Variants in CFAP61 observed in about 807,000 individuals in gnomAD.
CFAP61 encodes the protein cilia- and flagella-associated protein 61.
A neutral mutation model predicts 135.6 loss-of-function variants in CFAP61; 107 were observed. That is an observed-to-expected ratio of 0.79 (90% confidence interval 0.67 to 0.93). The LOEUF (loss-of-function observed/expected upper bound fraction) is 0.93. Ranked by LOEUF, CFAP61 falls within the 40% of genes least tolerant of loss-of-function variation. The pLI is 0.00. For missense variants in CFAP61, 1,507 were observed against 1,556.2 expected (o/e 0.97, Z 0.53); for synonymous variants, 575 against 578.5 (o/e 0.99, Z 0.09).
At chr20:20,268,275 A>G (rs12106090) in intron 21 of CFAP61, among the ~76,000 whole-genome samples, 17,886 of 152,202 alleles carry the variant, frequency 0.12, 1,156 homozygotes, top group Middle Eastern at 0.23. Flanking sequence ...TCCGGGAACC[A>G]CACCCTGAAT....
intron 7 of CFAP61, among the ~76,000 whole-genome samples, chr20:20,093,719 C>G (rs1290356901): frequency 6.6e-6 from 1 of 152,122 alleles, no homozygotes; most frequent in Non-Finnish European, 1.5e-5. Flanking sequence ...GCCACTGCAC[C>G]AGGCATGAAT....
At chr20:20,277,057 C>A in intron 21 of CFAP61, 109 bp from the exon 22 acceptor site, 2 of 838,360 alleles carry the variant, frequency 2.4e-6, no homozygotes, top group Non-Finnish European at 3.6e-6. Flanking sequence ...TGGCTTCCTG[C>A]AGCTGAAAAA....
At chr20:20,360,141 T>G (rs778292027) in intron 26 of CFAP61, 69 bp from the exon 27 acceptor site, 418 of 1,181,968 alleles carry the variant, frequency 3.5e-4, no homozygotes, top group Non-Finnish European at 5.2e-4. Flanking sequence ...TTCATTCTCA[T>G]GAAACTGCCG....
intron 18 of CFAP61, among the ~76,000 whole-genome samples, chr20:20,240,334 A>G (rs993635939): frequency 2.6e-5 from 4 of 152,182 alleles, no homozygotes; most frequent in Non-Finnish European, 5.9e-5. Flanking sequence ...TAAAACAGTC[A>G]TGAAAGACAG....
At chr20:20,278,903 T>C (rs972349547) in intron 22 of CFAP61, among the ~76,000 whole-genome samples, 1 of 152,232 alleles carries the variant, frequency 6.6e-6, no homozygotes, top group Non-Finnish European at 1.5e-5. Flanking sequence ...CTGTCCTCGA[T>C]GTTAGGGATG....
intron 9 of CFAP61, among the ~76,000 whole-genome samples, chr20:20,152,445 T>C (rs1180260886): frequency 6.6e-6 from 1 of 152,186 alleles, no homozygotes; most frequent in Non-Finnish European, 1.5e-5. Context: ...GGATAAACAT[T>C]CACCAATCAA....
intron 9 of CFAP61, among the ~76,000 whole-genome samples, chr20:20,147,054 C>T (rs561261183): frequency 5.9e-5 from 9 of 152,316 alleles, no homozygotes; most frequent in African/African-American, 2.2e-4. Context: ...CCAGCTCTAT[C>T]CAAGTTGCTG....
At chr20:20,328,397 GCTTA>G (rs2057845122) in intron 25 of CFAP61, among the ~76,000 whole-genome samples, 2 of 152,160 alleles carry the variant, frequency 1.3e-5, no homozygotes, top group Non-Finnish European at 2.9e-5. Flanking sequence ...ATATACAACT[GCTTA>G]CTTGACTCTC....
intron 9 of CFAP61, among the ~76,000 whole-genome samples, chr20:20,155,864 T>G (rs968277262): frequency 6.6e-6 from 1 of 152,146 alleles, no homozygotes; most frequent in African/African-American, 2.4e-5. Flanking sequence ...AGCATGGAGA[T>G]TCCTTAAAGA....
At chr20:20,298,487 A>G in intron 25 of CFAP61, 101 bp downstream of exon 25, 11 of 949,772 alleles carry the variant, frequency 1.2e-5, no homozygotes, top group South Asian at 7.6e-5. Context: ...GCAAAACGGG[A>G]ATCCCAGAGA....
At chr20:20,350,824 A>G (rs1015922274) in intron 26 of CFAP61, among the ~76,000 whole-genome samples, 4 of 152,242 alleles carry the variant, frequency 2.6e-5, no homozygotes, top group African/African-American at 7.2e-5. Context: ...AAGAGAAATG[A>G]GGTACTGATA....
intron 17 of CFAP61, among the ~76,000 whole-genome samples, chr20:20,203,147 A>G (rs927893145): frequency 6.6e-6 from 1 of 152,182 alleles, no homozygotes; most frequent in Non-Finnish European, 1.5e-5. Context: ...GTTTCTATTA[A>G]TTGACAGCCT....
intron 17 of CFAP61, chr20:20,215,179 T>C (rs2047958878): frequency 6.6e-6 from 1 of 152,192 alleles, no homozygotes; most frequent in Non-Finnish European, 1.5e-5. Context: ...TGGCACAGTC[T>C]CCGTCCAGGC....
intron 2 of CFAP61, chr20:20,070,043 A>G (rs1031516552): frequency 8.0e-6 from 2 of 251,442 alleles, no homozygotes; most frequent in Admixed American, 9.7e-5. Context: ...GTGGTAAACT[A>G]TATGCTGCCT....
chr20:20,298,901 C>G (rs1441270188), intron 25 of CFAP61, among the ~76,000 whole-genome samples: 1 of 152,168 alleles, frequency 6.6e-6, no homozygotes, highest in African/African-American at 2.4e-5. Context: ...GACTTGAAAC[C>G]TTTGTCTTTT....
Position 20,159,409 on chromosome 20 carries a change from A to ACAG in CFAP61, c.995_997dup (p.Ala332dup). 2.5e-6 allele frequency: 4 copies of ACAG among 1,614,002 alleles called. No individual in the cohort carries two copies. The highest frequency in any genetic ancestry group is 3.4e-6 in the Non-Finnish European group (4 of 1,179,864). ...AGAAGCTGCATCCGAGGAAGCTTTA[A>ACAG]CAGCAGTCCAAAGTGGAAATGTTAG... On this transcript the variant is annotated inframe_insertion, in exon 10 of 27. Coordinates refer to ENST00000245957, the MANE Select transcript of CFAP61 (RefSeq NM_015585.4).
chr20:20,073,339 G>T (rs1013885144), intron 3 of CFAP61, among the ~76,000 whole-genome samples: 21 of 152,174 alleles, frequency 1.4e-4, no homozygotes, highest in African/African-American at 5.1e-4. Context: ...TCAAAACATG[G>T]TTTTCCTCTT....
chr20:20,090,335 T>G lies in CFAP61; in HGVS notation c.567-509T>G, dbSNP rs561380427. On this transcript the variant is annotated intron_variant, in intron 6 of 26. Coordinates refer to ENST00000245957, the MANE Select transcript of CFAP61 (RefSeq NM_015585.4). ...ACTCTCTATCCCAAAGCATGTATCA[T>G]TATTTGAAATGTTTAGAATTGTCTA... Among the ~76,000 whole-genome samples, 6 of 152,346 alleles carry G rather than the reference T, an allele frequency of 3.9e-5. No homozygotes were observed. The East Asian group carries it at 9.7e-4, about 25-fold the overall frequency.
Position 20,054,010 on chromosome 20 carries a change from T to G in CFAP61, c.-37+1419T>G, listed in dbSNP as rs2663987. Among the ~76,000 whole-genome samples, 4 of 108,430 alleles carry G rather than the reference T, an allele frequency of 3.7e-5. No individual in the cohort carries two copies. In the Admixed American group the frequency reaches 3.9e-4, roughly 10 times the overall value. 71.1% of individuals were successfully genotyped at this position (108,430 alleles called of 152,430 possible). ...TTCATCTCTGTGTGTGTTTTTTTTG[T>G]TTGTTTTTTTTTTTTTTTTTTTTTA... On this transcript the variant is annotated intron_variant, in intron 1 of 26. Transcript: ENST00000245957.
Sources: gnomAD v4.1 joint callset for allele counts (sites outside exome capture counted in the v4.1 genomes callset) on GRCh38, gnomAD v4.1.1 for gene constraint, MANE v1.5 for transcripts, NCBI Gene and HGNC (gene_info 2026-07-23, HGNC 2026-07-21) for gene names.